Variants in PCDH9 observed in about 807,000 individuals in gnomAD.
The protein encoded by PCDH9 is protocadherin 9, also known as protocadherin-9.
Under a neutral mutation model 70.6 loss-of-function variants are expected in PCDH9, and 24 were observed. The ratio of observed to expected loss-of-function variants is 0.34; its 90% CI spans 0.25 to 0.48. The LOEUF is 0.48. Ranked by LOEUF, PCDH9 falls within the 20% of genes least tolerant of loss-of-function variation. The pLI, the probability that PCDH9 is intolerant of heterozygous loss-of-function variation, is 0.99. For synonymous variants in PCDH9, 562 were observed against 558.5 expected, an observed-to-expected ratio of 1.01 and a Z score of -0.09; for missense variants, 1,281 against 1,503.6, an observed-to-expected ratio of 0.85 and a Z score of 2.45.
chr13:66,672,792 T>TAAG (rs1157137859), intron 3 of PCDH9, among the ~76,000 whole-genome samples: 9 of 152,310 alleles, frequency 5.9e-5, no homozygotes, highest in Admixed American at 1.3e-4. Context: ...TTGACTACCC[T>TAAG]GCTGGATTTT....
At chr13:66,961,106 C>T (rs910021629) in intron 2 of PCDH9, among the ~76,000 whole-genome samples, 44 of 152,208 alleles carry the variant, frequency 2.9e-4, no homozygotes, top group African/African-American at 1.0e-3. Context: ...TTTACCATGT[C>T]TATTTTTTAA....
At chr13:67,198,205 A>C (rs2089123151) in intron 2 of PCDH9, among the ~76,000 whole-genome samples, 1 of 151,732 alleles carries the variant, frequency 6.6e-6, no homozygotes, top group Non-Finnish European at 1.5e-5. Flanking sequence ...TCTTGCAAAT[A>C]TGTCAAGGGG....
intron 3 of PCDH9, among the ~76,000 whole-genome samples, chr13:66,729,225 G>C (rs2079041725): frequency 6.6e-6 from 1 of 151,978 alleles, no homozygotes. Context: ...ATCCTTCCCA[G>C]CCAAATGATT....
At chr13:66,310,424 C>T (rs1955542384) in intron 4 of PCDH9, among the ~76,000 whole-genome samples, 1 of 152,048 alleles carries the variant, frequency 6.6e-6, no homozygotes, top group South Asian at 2.1e-4. Flanking sequence ...TCCAACTATA[C>T]TTAAGTAGTA....
intron 3 of PCDH9, among the ~76,000 whole-genome samples, chr13:66,866,325 A>T (rs1260813461): frequency 2.0e-5 from 3 of 152,010 alleles, no homozygotes; most frequent in African/African-American, 7.2e-5. Flanking sequence ...TATTAAAAAT[A>T]CAAAAAATTA....
intron 2 of PCDH9, among the ~76,000 whole-genome samples, chr13:67,040,030 G>A (rs1479517402): frequency 6.6e-6 from 1 of 152,064 alleles, no homozygotes; most frequent in Admixed American, 6.6e-5. Flanking sequence ...TGTCAGAAAT[G>A]TTATGCAAAC....
chr13:66,629,356 G>C (rs2077540169), intron 4 of PCDH9, among the ~76,000 whole-genome samples: 1 of 152,180 alleles, frequency 6.6e-6, no homozygotes, highest in South Asian at 2.1e-4. Flanking sequence ...CCAGCTGTGA[G>C]ACTCTTAGCT....
rs1481055642 is a variant in PCDH9, at chr13:66,766,021, C to G, written c.3139-134610G>C. Reference sequence around the variant, plus strand: ...TAAATAAGTTTTACACTAGGGGGATCTCTTATATAGTCTATTTATGAAGCC... The same window carrying G: ...TAAATAAGTTTTACACTAGGGGGATGTCTTATATAGTCTATTTATGAAGCC... On this transcript the variant is annotated intron_variant, in intron 3 of 4. Transcript: ENST00000377865. Among the ~76,000 whole-genome samples, 2 of 151,854 alleles carry G rather than the reference C, an allele frequency of 1.3e-5. 1 individual carries two copies. The highest frequency in any genetic ancestry group is 2.9e-5 in the Non-Finnish European group (2 of 67,994).
At position 66,814,644 on chromosome 13, in the gene PCDH9, C is replaced by T. The variant is rs552589910; in HGVS notation, c.3138+88860G>A. ...ATTATTGGGCTCCTAATAAAATATCCGGCTTCCAATGAGGAAAGGACTTCT... is the reference window on the plus strand; with the variant it reads ...ATTATTGGGCTCCTAATAAAATATCTGGCTTCCAATGAGGAAAGGACTTCT... On this transcript the variant is annotated intron_variant, in intron 3 of 4. Transcript: ENST00000377865. 5.9e-5 allele frequency among the ~76,000 whole-genome samples: 9 copies of T among 152,074 alleles called. No homozygotes were observed. In the South Asian group the frequency reaches 6.2e-4, roughly 11 times the overall value.
In PCDH9 at chr13:67,222,700, T is replaced by TA. The variant is rs1168069270; in HGVS notation, c.3036+2704dup. 11 of 152,298 alleles carry TA rather than the reference T, an allele frequency of 7.2e-5. No homozygotes were observed. The East Asian group carries it at 1.7e-3, about 24-fold the overall frequency. 9.4% of individuals were successfully genotyped at this position (152,298 alleles called of 1,614,324 possible). The stretch of plus-strand genomic sequence containing the variant: ...AAAATCTTCACAGATTGTATTTTTT[T>TA]AAATAAATTCCTTTGAAAGTTTTTG... On this transcript the variant is annotated intron_variant, in intron 2 of 4. Coordinates refer to ENST00000377865, the MANE Select transcript of PCDH9 (RefSeq NM_203487.3).
At chr13:66,414,615 G>A (rs550640850) in intron 4 of PCDH9, among the ~76,000 whole-genome samples, 1 of 152,276 alleles carries the variant, frequency 6.6e-6, no homozygotes, top group Non-Finnish European at 1.5e-5. Context: ...AGGAGTTAAA[G>A]AATTTTAAAG....
chr13:66,988,471 G>A (rs1322675542), intron 2 of PCDH9, among the ~76,000 whole-genome samples: 2 of 151,944 alleles, frequency 1.3e-5, no homozygotes, highest in Admixed American at 1.3e-4. Context: ...TACATTCTAA[G>A]AGAAGTTGGA....
intron 4 of PCDH9, among the ~76,000 whole-genome samples, chr13:66,333,261 G>A (rs967289375): frequency 2.6e-5 from 4 of 152,130 alleles, no homozygotes; most frequent in East Asian, 1.9e-4. Context: ...CAAAGGATAC[G>A]ATGGAGATTT....
chr13:66,735,208 C>T (rs2079130374), intron 3 of PCDH9, among the ~76,000 whole-genome samples: 1 of 152,220 alleles, frequency 6.6e-6, no homozygotes. Flanking sequence ...ACATATTCCA[C>T]TACCTTCCTT....
chr13:66,517,066 G>C (rs1413509911), intron 4 of PCDH9, among the ~76,000 whole-genome samples: 5 of 152,170 alleles, frequency 3.3e-5, no homozygotes, highest in African/African-American at 9.6e-5. Flanking sequence ...AGCAAGACTT[G>C]AGATATGTAG....
At chr13:66,818,707 C>T (rs1204477939) in intron 3 of PCDH9, among the ~76,000 whole-genome samples, 2 of 151,856 alleles carry the variant, frequency 1.3e-5, no homozygotes, top group South Asian at 2.1e-4. Flanking sequence ...CCGAGGCGGG[C>T]GGATCACGAG....
At chr13:67,183,502 A>G (rs1301273287) in intron 2 of PCDH9, among the ~76,000 whole-genome samples, 1 of 152,096 alleles carries the variant, frequency 6.6e-6, no homozygotes, top group Non-Finnish European at 1.5e-5. Flanking sequence ...TGGGTCTTTG[A>G]GATATGGTTA....
intron 3 of PCDH9, among the ~76,000 whole-genome samples, chr13:66,632,891 T>C (rs751099264): frequency 6.6e-6 from 1 of 152,066 alleles, no homozygotes; most frequent in Non-Finnish European, 1.5e-5. Context: ...AAGTATATAA[T>C]GTACAATATA....
rs118036507 is a variant in PCDH9, at chr13:66,506,180, C to T, written c.3340+125030G>A. ...TCAAGTAGATGCTCACCAGAAACCT[C>T]TGTGAAGCAAATAAATAATGCCTAG... On this transcript the variant is annotated intron_variant, in intron 4 of 4. Coordinates refer to ENST00000377865, the MANE Select transcript of PCDH9 (RefSeq NM_203487.3). Among the ~76,000 whole-genome samples, 1,064 of 152,240 alleles carry T rather than the reference C, an allele frequency of 7.0e-3. 32 individuals carry two copies. The East Asian group carries it at 0.091, about 13-fold the overall frequency.
Sources: gnomAD v4.1 joint callset for allele counts (sites outside exome capture counted in the v4.1 genomes callset) on GRCh38, gnomAD v4.1.1 for gene constraint, MANE v1.5 for transcripts, NCBI Gene and HGNC (gene_info 2026-07-23, HGNC 2026-07-21) for gene names.